Variants in PHKB observed in about 807,000 individuals in gnomAD.
PHKB encodes the protein phosphorylase b kinase regulatory subunit beta.
In PHKB, 122 loss-of-function variants were observed where a neutral mutation model predicts 152.1. That is an observed-to-expected ratio of 0.80 (90% CI 0.69 to 0.93). The LOEUF is 0.93. Ranked by LOEUF, PHKB falls within the 40% of genes least tolerant of loss-of-function variation. PHKB has a pLI of 0.00. For missense variants in PHKB, 1,304 were observed against 1,328.4 expected (o/e 0.98, Z 0.29); for synonymous variants, 436 against 464.9 (o/e 0.94, Z 0.80).
chr16:47,587,598 A>G (rs549156433), intron 8 of PHKB, 70 bp from the exon 9 acceptor site: 3 of 1,122,676 alleles, frequency 2.7e-6, no homozygotes, highest in African/African-American at 3.1e-5. Context: ...AAGTTTTCAC[A>G]GTCAAAATGC....
intron 6 of PHKB, among the ~76,000 whole-genome samples, chr16:47,541,138 C>A (rs1164399034): frequency 1.3e-5 from 2 of 152,064 alleles, no homozygotes; most frequent in Non-Finnish European, 2.9e-5. Context: ...TAATGCTACC[C>A]CTTCCCCATC....
chr16:47,574,766 C>A (rs1567312149), intron 7 of PHKB, among the ~76,000 whole-genome samples: 1 of 152,164 alleles, frequency 6.6e-6, no homozygotes, highest in Non-Finnish European at 1.5e-5. Flanking sequence ...CATGAGGATC[C>A]TGACACCTCC....
At chr16:47,576,815 CCTTTAA>C (rs747281723) in intron 7 of PHKB, among the ~76,000 whole-genome samples, 10 of 152,108 alleles carry the variant, frequency 6.6e-5, no homozygotes, top group East Asian at 3.8e-4. Flanking sequence ...CTTTTTCCAT[CCTTTAA>C]CTTTAAGCAT....
intron 2 of PHKB, among the ~76,000 whole-genome samples, chr16:47,499,103 A>C (rs186681118): frequency 7.0e-4 from 107 of 152,378 alleles, no homozygotes; most frequent in African/African-American, 2.5e-3. Context: ...TGTTCATAAA[A>C]AATTATTTAC....
At chr16:47,566,273 A>G in intron 7 of PHKB, 1 of 917,474 alleles carries the variant, frequency 1.1e-6, no homozygotes. Flanking sequence ...AGTAGTCATC[A>G]AAGCTGTCTG....
At chr16:47,523,780 A>G (rs1368986220) in intron 6 of PHKB, among the ~76,000 whole-genome samples, 2 of 152,220 alleles carry the variant, frequency 1.3e-5, no homozygotes, top group African/African-American at 2.4e-5. Context: ...TTATATGCCT[A>G]GAAAAAAGGC....
chr16:47,619,858 T>TA (rs1410832085), intron 14 of PHKB, among the ~76,000 whole-genome samples: 5 of 152,224 alleles, frequency 3.3e-5, no homozygotes, highest in Non-Finnish European at 5.9e-5. Flanking sequence ...GTATTTTGCG[T>TA]TACAGTTGTC....
intron 1 of PHKB, among the ~76,000 whole-genome samples, chr16:47,483,010 C>T (rs986780817): frequency 2.0e-5 from 3 of 150,148 alleles, no homozygotes; most frequent in East Asian, 4.0e-4. Flanking sequence ...TGTGAACCAC[C>T]ATGCCTGGCC....
chr16:47,593,435 G>T (rs1016197976), intron 10 of PHKB, 65 bp from the exon 11 acceptor site: 12 of 891,064 alleles, frequency 1.3e-5, no homozygotes, highest in Non-Finnish European at 2.0e-5. Context: ...GTGAGATCTT[G>T]TCTCAAAATA....
chr16:47,516,101 G>A (rs1196896175), intron 6 of PHKB, among the ~76,000 whole-genome samples: 4 of 151,948 alleles, frequency 2.6e-5, no homozygotes, highest in African/African-American at 9.7e-5. Flanking sequence ...CTAATTTTTT[G>A]TATTTTAGTA....
intron 24 of PHKB, 68 bp downstream of exon 24, chr16:47,663,802 T>G (rs74750212): frequency 3.3e-6 from 3 of 910,686 alleles, no homozygotes; most frequent in Admixed American, 1.7e-5. Context: ...CTAAAGAAAA[T>G]GGACCAATAT....
At chr16:47,657,747 T>A (rs971441332) in intron 20 of PHKB, among the ~76,000 whole-genome samples, 2 of 152,192 alleles carry the variant, frequency 1.3e-5, no homozygotes, top group African/African-American at 4.8e-5. Flanking sequence ...TGGAAATTAT[T>A]AAATAGAATT....
rs565280669 is a variant in PHKB, at chr16:47,620,272, A to C, written c.1458+9352A>C. 2.6e-5 allele frequency among the ~76,000 whole-genome samples: 4 copies of C among 152,360 alleles called. No individual in the cohort carries two copies. The South Asian group carries it at 8.3e-4, about 32-fold the overall frequency. Reference sequence around the variant, plus strand: ...ATGCTATTTCAATATTCAAGAGTACAAATAGGAAAGGTTTCATATTGTTGG... The same window carrying C: ...ATGCTATTTCAATATTCAAGAGTACCAATAGGAAAGGTTTCATATTGTTGG... On this transcript the variant is annotated intron_variant, in intron 14 of 30. Transcript: ENST00000323584.
intron 13 of PHKB, among the ~76,000 whole-genome samples, chr16:47,601,355 A>G (rs1366903934): frequency 6.6e-6 from 1 of 152,212 alleles, no homozygotes; most frequent in Non-Finnish European, 1.5e-5. Flanking sequence ...TAACTTTAAT[A>G]TATGTTCTTA....
rs150290096 is a variant in PHKB, at chr16:47,467,729, A to C, written c.76+6303A>C. 6.2e-4 allele frequency among the ~76,000 whole-genome samples: 95 copies of C among 152,352 alleles called. 1 individual carries two copies. The East Asian group carries it at 0.011, about 18-fold the overall frequency. On this transcript the variant is annotated intron_variant, in intron 1 of 30. Coordinates refer to ENST00000323584, the MANE Select transcript of PHKB (RefSeq NM_000293.3). Reference sequence around the variant, plus strand: ...CAGCAAAAATGATGCTTCACATTTCATAAGTGAAGTGGTTTCATGAAGAGC... The same window carrying C: ...CAGCAAAAATGATGCTTCACATTTCCTAAGTGAAGTGGTTTCATGAAGAGC...
At chr16:47,625,234 T>C (rs935027649) in intron 14 of PHKB, among the ~76,000 whole-genome samples, 22 of 152,226 alleles carry the variant, frequency 1.4e-4, no homozygotes, top group African/African-American at 5.1e-4. Context: ...GCCACCATCA[T>C]GTGAGTTAAT....
intron 8 of PHKB, among the ~76,000 whole-genome samples, chr16:47,581,899 C>T (rs1374855250): frequency 6.6e-6 from 1 of 152,070 alleles, no homozygotes; most frequent in Non-Finnish European, 1.5e-5. Context: ...AGGCTGGTCT[C>T]GAACTCCTGA....
intron 4 of PHKB, among the ~76,000 whole-genome samples, chr16:47,509,898 A>G (rs181572715): frequency 6.6e-6 from 1 of 152,228 alleles, no homozygotes; most frequent in Non-Finnish European, 1.5e-5. Context: ...ACTCAGTCCC[A>G]CAAGACTACC....
chr16:47,564,701 G>T (rs1371455642), intron 7 of PHKB, among the ~76,000 whole-genome samples: 1 of 152,026 alleles, frequency 6.6e-6, no homozygotes, highest in African/African-American at 2.4e-5. Context: ...GTTTTTCCAG[G>T]TTTTCTTCTA....
Sources: gnomAD v4.1 joint callset for allele counts (sites outside exome capture counted in the v4.1 genomes callset) on GRCh38, gnomAD v4.1.1 for gene constraint, MANE v1.5 for transcripts, NCBI Gene and HGNC (gene_info 2026-07-23, HGNC 2026-07-21) for gene names.